FOSL2: variants seen among roughly 807,000 people sequenced by gnomAD.
FOSL2 encodes fos-related antigen 2.
In FOSL2, 3 loss-of-function variants were observed where a neutral mutation model predicts 27.7. That is an observed-to-expected ratio of 0.11 (90% confidence interval 0.05 to 0.28). The LOEUF (loss-of-function observed/expected upper bound fraction) is 0.28, where lower values mean the gene tolerates loss of function less well. FOSL2 is among the 10% of genes least tolerant of loss of function. The pLI, the probability that FOSL2 is intolerant of heterozygous loss-of-function variation, is 1.00. For missense variants in FOSL2, 333 were observed against 445.1 expected, an observed-to-expected ratio of 0.75 and a Z score of 2.27; for synonymous variants, 179 against 190.1, an observed-to-expected ratio of 0.94 and a Z score of 0.48.
Position 28,412,584 on chromosome 2 carries a change from G to A in FOSL2, c.*136G>A. On this transcript the variant is annotated 3_prime_UTR_variant, in exon 4 of 4. Transcript: ENST00000264716. This position sits in a 1 kb window ranked among gnomAD's most constrained non-coding sequence, Gnocchi z 7.1. Reference sequence around the variant, plus strand: ...ACCAGGGAGCTTCCTGGCTCTGGGGGACCCAGGTGGGACTTAGCAGTGAGT... The same window carrying A: ...ACCAGGGAGCTTCCTGGCTCTGGGGAACCCAGGTGGGACTTAGCAGTGAGT... 1.0e-6 allele frequency: 1 copy of A among 1,003,974 alleles called. No homozygotes were observed. Among genetic ancestry groups the A allele is most frequent in the Middle Eastern group, 2.4e-4 (1 of 4,252 alleles). 62.2% of individuals were successfully genotyped at this position (1,003,974 alleles called of 1,614,324 possible).
At chr2:28,405,071 G>T (rs906298854) in intron 2 of FOSL2, among the ~76,000 whole-genome samples, 1 of 152,168 alleles carries the variant, frequency 6.6e-6, no homozygotes, top group South Asian at 2.1e-4. Context: ...AATGGGGAAG[G>T]GGGGGCTCTG....
In FOSL2 at chr2:28,412,535, G is replaced by A. The variant is rs187515659; in HGVS notation, c.*87G>A. 1.8e-5 allele frequency: 26 copies of A among 1,481,870 alleles called. No homozygotes were observed. In the Middle Eastern group the frequency reaches 5.3e-4, roughly 30 times the overall value. 91.8% of individuals were successfully genotyped at this position (1,481,870 alleles called of 1,614,324 possible). Reference sequence around the variant, plus strand: ...CAGCACCTTCAAGCGCTCCAGGGCCGTGAGGGCAAGAGGGGGACCTGCCAC... The same window carrying A: ...CAGCACCTTCAAGCGCTCCAGGGCCATGAGGGCAAGAGGGGGACCTGCCAC... On this transcript the variant is annotated 3_prime_UTR_variant, in exon 4 of 4. Transcript: ENST00000264716. This position sits in a 1 kb window ranked among gnomAD's most constrained non-coding sequence, Gnocchi z 7.1.
In FOSL2 at chr2:28,408,479, C is replaced by T. The variant is rs1343535000; in HGVS notation, c.355-280C>T. 6.6e-6 allele frequency among the ~76,000 whole-genome samples: 1 copy of T among 152,140 alleles called. No homozygotes were observed. Reference sequence around the variant, plus strand: ...GATAGGTGCTGCCATCATGCCTGGGCCAGTGAATCTCTGACCCATTGCTGT... The same window carrying T: ...GATAGGTGCTGCCATCATGCCTGGGTCAGTGAATCTCTGACCCATTGCTGT... On this transcript the variant is annotated intron_variant, in intron 2 of 3. Transcript: ENST00000264716. The surrounding 1 kb of genome is among the most constrained non-coding windows in gnomAD (Gnocchi z 4.1).
chr2:28,402,740 AAGCAATGGAAAAGGAGCTTGT>A (rs1406044948), intron 1 of FOSL2, among the ~76,000 whole-genome samples: 2 of 152,178 alleles, frequency 1.3e-5, no homozygotes, highest in Non-Finnish European at 2.9e-5. Flanking sequence ...TTGAGGAAGA[AAGCAATGGAAAAGGAGCTTGT>A]ATACCACTGT....
intron 1 of FOSL2, among the ~76,000 whole-genome samples, chr2:28,397,816 G>A (rs1663886389): frequency 6.6e-6 from 1 of 152,188 alleles, no homozygotes; most frequent in South Asian, 2.1e-4. Context: ...CTCTTTTGCA[G>A]TTGCTTTCAG....
rs1663727199 is a variant in FOSL2, at chr2:28,393,550, G to T, written c.-171G>T. 1 of 579,946 alleles carries T rather than the reference G, an allele frequency of 1.7e-6. No individual in the cohort carries two copies. The highest frequency in any genetic ancestry group is 3.1e-6 in the Non-Finnish European group (1 of 327,438). 35.9% of individuals were successfully genotyped at this position (579,946 alleles called of 1,614,324 possible). ...GCTCGGGGGACGCTGTTCCTGAGGT[G>T]TCGCCGCCTCCCTGTCCTCGCCCTC... On this transcript the variant is annotated 5_prime_UTR_variant, in exon 1 of 4. Coordinates refer to ENST00000264716, the MANE Select transcript of FOSL2 (RefSeq NM_005253.4). This position sits in a 1 kb window ranked among gnomAD's most constrained non-coding sequence, Gnocchi z 4.6.
chr2:28,411,572 C>T (rs1486015521), intron 3 of FOSL2, among the ~76,000 whole-genome samples: 2 of 152,314 alleles, frequency 1.3e-5, no homozygotes, highest in East Asian at 3.9e-4. Context: ...CCCCTCTGAA[C>T]CTCAGTTTCC....
chr2:28,400,873 GA>G (rs1488948840), intron 1 of FOSL2, among the ~76,000 whole-genome samples: 1 of 152,160 alleles, frequency 6.6e-6, no homozygotes, highest in Non-Finnish European at 1.5e-5. Context: ...CTTTGCTTCA[GA>G]TTTTCTGCTG....
At position 28,412,163 on chromosome 2, in the gene FOSL2, G is replaced by A. The variant is rs145860118; in HGVS notation, c.696G>A (p.Ser232=). 101 of 1,608,144 alleles carry A rather than the reference G, an allele frequency of 6.3e-5. 1 individual carries two copies. The highest frequency in any genetic ancestry group is 1.6e-4 in the Middle Eastern group (1 of 6,066). The change falls in exon 4 of 4, where the codon TCG becomes TCA. Residue 232 remains serine, a synonymous_variant. Transcript: ENST00000264716. The surrounding 1 kb of genome is among the most constrained non-coding windows in gnomAD (Gnocchi z 7.1). ...AGCCCCTGGAAGAGGACAGCCCCTC[G>A]TCCTCGTCGGCGGGGCTGGACAAGG... The part of the protein sequence containing the change: ...KQEPLEEDSP[S]SSSAGLDKAQ...
chr2:28,403,109 G>T (rs1664007871), intron 1 of FOSL2, among the ~76,000 whole-genome samples: 1 of 152,168 alleles, frequency 6.6e-6, no homozygotes, highest in Non-Finnish European at 1.5e-5. Flanking sequence ...CCATTAGGGG[G>T]ACTTGCCTCT....
Position 28,416,464 on chromosome 2 carries a change from C to CTTTTTTTTTT in FOSL2, c.*4024_*4033dup, listed in dbSNP as rs3838585. On this transcript the variant is annotated 3_prime_UTR_variant, in exon 4 of 4. Coordinates refer to ENST00000264716, the MANE Select transcript of FOSL2 (RefSeq NM_005253.4). ...CCGTTCCTCTCTCTCTTCTCGCTTC[C>CTTTTTTTTTT]TTTTTTTTTTTTTTTTTAAATTTAG... The CTTTTTTTTTT allele has an allele frequency of 1.4e-5, 2 of 139,986 alleles. No individual in the cohort carries two copies. Among genetic ancestry groups the CTTTTTTTTTT allele is most frequent in the Non-Finnish European group, 3.1e-5 (2 of 65,370 alleles). 8.7% of individuals were successfully genotyped at this position (139,986 alleles called of 1,614,324 possible).
chr2:28,398,135 C>T (rs888016541), intron 1 of FOSL2, among the ~76,000 whole-genome samples: 6 of 152,184 alleles, frequency 3.9e-5, no homozygotes, highest in African/African-American at 1.4e-4. Flanking sequence ...ACGTTCCGGT[C>T]TATTTGTTGA....
At position 28,408,657 on chromosome 2, in the gene FOSL2, C is replaced by A; in HGVS notation, c.355-102C>A. On this transcript the variant is annotated intron_variant, in intron 2 of 3. Transcript: ENST00000264716. This position sits in a 1 kb window ranked among gnomAD's most constrained non-coding sequence, Gnocchi z 4.1. ...CTCTTGCCCTTCCTTCTCCTTTCTC[C>A]ATTTCCAGAAGGGCTTCTTGCCTTA... 1.3e-6 allele frequency: 1 copy of A among 782,162 alleles called. No individual in the cohort carries two copies. Among genetic ancestry groups the A allele is most frequent in the Non-Finnish European group, 2.0e-6 (1 of 510,970 alleles). The allele number at this position is 782,162 out of a possible 1,614,324, so 48.5% of individuals were successfully genotyped here. A position where few individuals can be genotyped will look rare whatever the true frequency, so the allele number is the denominator to read the frequency against.
At position 28,413,388 on chromosome 2, in the gene FOSL2, G is replaced by A. The variant is rs7601357; in HGVS notation, c.*940G>A. ...ACCCTTCTCTCCGGACCAGGGAGGC[G>A]TCCCTCCCTAGGAGCCACACATTAT... On this transcript the variant is annotated 3_prime_UTR_variant, in exon 4 of 4. Coordinates refer to ENST00000264716, the MANE Select transcript of FOSL2 (RefSeq NM_005253.4). 7 of 397,826 alleles carry A rather than the reference G, an allele frequency of 1.8e-5. No individual in the cohort carries two copies. Among genetic ancestry groups the A allele is most frequent in the Non-Finnish European group, 2.7e-5 (6 of 226,036 alleles). 24.6% of individuals were successfully genotyped at this position (397,826 alleles called of 1,614,324 possible). A position where few individuals can be genotyped will look rare whatever the true frequency, so the allele number is the denominator to read the frequency against.
chr2:28,402,023 G>A (rs1663983181), intron 1 of FOSL2, among the ~76,000 whole-genome samples: 1 of 152,028 alleles, frequency 6.6e-6, no homozygotes, highest in South Asian at 2.1e-4. Context: ...TTGAATCTCA[G>A]AATGCATTGT....
At chr2:28,406,417 A>G (rs1664084806) in intron 2 of FOSL2, among the ~76,000 whole-genome samples, 1 of 152,202 alleles carries the variant, frequency 6.6e-6, no homozygotes, top group African/African-American at 2.4e-5. Context: ...ATTTGTATCC[A>G]GAGGGACTTT....
In FOSL2 at chr2:28,408,425, T is replaced by A. The variant is rs1664126968; in HGVS notation, c.355-334T>A. The stretch of plus-strand genomic sequence containing the variant: ...AGAAGCATCCCCAGCTCCTTCTCTC[T>A]GGCCTGAGCACTGAATCAGGGCTGA... On this transcript the variant is annotated intron_variant, in intron 2 of 3. Transcript: ENST00000264716. This position sits in a 1 kb window ranked among gnomAD's most constrained non-coding sequence, Gnocchi z 4.1. Among the ~76,000 whole-genome samples the A allele has an allele frequency of 1.3e-5, 2 of 152,212 alleles. No individual in the cohort carries two copies. Among genetic ancestry groups the A allele is most frequent in the South Asian group, 4.1e-4 (2 of 4,838 alleles).
At chr2:28,406,678 A>T (rs1434557953) in intron 2 of FOSL2, among the ~76,000 whole-genome samples, 2 of 152,186 alleles carry the variant, frequency 1.3e-5, no homozygotes, top group Non-Finnish European at 2.9e-5. Context: ...ATTGTATCCC[A>T]CATCAGTTGG....
chr2:28,394,232 A>T (rs1663757472), intron 1 of FOSL2, among the ~76,000 whole-genome samples: 1 of 139,432 alleles, frequency 7.2e-6, no homozygotes, highest in Admixed American at 8.0e-5. Flanking sequence ...ACATCCTGGG[A>T]CCCTATTCCT....
Sources: gnomAD v4.1 joint callset for allele counts (sites outside exome capture counted in the v4.1 genomes callset) on GRCh38, gnomAD v4.1.1 for gene constraint, Gnocchi (gnomAD v3.1) non-coding constraint, MANE v1.5 for transcripts, NCBI Gene and HGNC (gene_info 2026-07-23, HGNC 2026-07-21) for gene names.